The following RBPJ variants were observed in gnomAD, a reference collection of about 807,000 sequenced individuals.
The protein encoded by RBPJ is recombination signal binding protein for immunoglobulin kappa J region.
RBPJ carries 9 observed loss-of-function variants against 67.8 expected under a neutral mutation model. The ratio of observed to expected loss-of-function variants is 0.13; its 90% CI spans 0.08 to 0.23. RBPJ has a LOEUF of 0.23. RBPJ is among the 10% of genes least tolerant of loss of function. The pLI is 1.00. For synonymous variants in RBPJ, 198 were observed against 203.3 expected (o/e 0.97, Z 0.22); for missense variants, 305 against 595.6 (o/e 0.51, Z 5.08).
At chr4:26,407,657 C>T (rs531904954) in intron 3 of RBPJ, among the ~76,000 whole-genome samples, 122 of 151,924 alleles carry the variant, frequency 8.0e-4, no homozygotes, top group African/African-American at 2.7e-3. Flanking sequence ...TAGAAAGGTA[C>T]CCAACTGAAG....
At chr4:26,205,208 A>C (rs1311613073) in intron 1 of RBPJ, among the ~76,000 whole-genome samples, 1 of 152,156 alleles carries the variant, frequency 6.6e-6, no homozygotes, top group Admixed American at 6.5e-5. Context: ...GCAGGTGTGC[A>C]CTTATCTTTA....
chr4:26,334,942 C>G (rs1320830670), intron 1 of RBPJ, among the ~76,000 whole-genome samples: 1 of 152,114 alleles, frequency 6.6e-6, no homozygotes, highest in African/African-American at 2.4e-5. Flanking sequence ...ATGTCTGTGT[C>G]ATTAGTGTGG....
intron 1 of RBPJ, among the ~76,000 whole-genome samples, chr4:26,357,632 A>G (rs532421374): frequency 1.1e-3 from 170 of 152,298 alleles, no homozygotes; most frequent in Non-Finnish European, 1.9e-3. Flanking sequence ...TAGTGGTAGT[A>G]AGTACATTCA....
rs143016622 is a variant in RBPJ at position 26,180,183 on chromosome 4, G to A, written c.-167+16569G>A. On this transcript the variant is annotated intron_variant, in intron 1 of 4. Transcript: ENST00000512351. ...ACTGGGATCTTTTTGAGGGTGGAGG[G>A]CGGGAGAAGGGGGAGGATCAGGGAA... Among the ~76,000 whole-genome samples, 728 of 152,182 alleles carry A rather than the reference G, an allele frequency of 4.8e-3. 10 individuals carry two copies. The highest frequency in any genetic ancestry group is 0.017 in the African/African-American group (702 of 41,518).
At chr4:26,122,722 G>C in the RBPJ span, among the ~76,000 whole-genome samples, 1 of 152,114 alleles carries the variant, frequency 6.6e-6, no homozygotes, top group Non-Finnish European at 1.5e-5. Flanking sequence ...TGAATGAGTA[G>C]GATCTAGTAG....
At chr4:26,185,825 C>T (rs564659190) in intron 1 of RBPJ, among the ~76,000 whole-genome samples, 10 of 152,216 alleles carry the variant, frequency 6.6e-5, no homozygotes, top group African/African-American at 2.2e-4. Flanking sequence ...TTTGGAAGGC[C>T]GAGGCCGGTG....
intron 1 of RBPJ, chr4:26,384,509 T>C (rs1369860013): frequency 1.3e-5 from 2 of 152,180 alleles, no homozygotes; most frequent in Non-Finnish European, 2.9e-5. Context: ...AACAAGTTAC[T>C]TAACTGTTTA....
intron 1 of RBPJ, among the ~76,000 whole-genome samples, chr4:26,361,370 T>A (rs2109497825): frequency 1.3e-5 from 2 of 152,304 alleles, no homozygotes; most frequent in East Asian, 3.9e-4. Context: ...AAATACATAA[T>A]TTTTTCTGAC....
At chr4:26,254,463 C>T (rs143634809) in intron 1 of RBPJ, among the ~76,000 whole-genome samples, 2 of 148,814 alleles carry the variant, frequency 1.3e-5, no homozygotes, top group Non-Finnish European at 2.9e-5. Context: ...TTCTGTTCCA[C>T]AATCTTTGCA....
chr4:26,135,566 A>G, the RBPJ span, among the ~76,000 whole-genome samples: 2 of 152,002 alleles, frequency 1.3e-5, no homozygotes, highest in Admixed American at 6.6e-5. Flanking sequence ...TATGAACCCA[A>G]GTGGCTTGAC....
the RBPJ span, among the ~76,000 whole-genome samples, chr4:26,146,871 G>A: frequency 6.6e-6 from 1 of 152,138 alleles, no homozygotes; most frequent in Non-Finnish European, 1.5e-5. Context: ...AAAACAAATC[G>A]AGCAATCAGG....
chr4:26,222,629 C>G (rs1446315893), intron 1 of RBPJ, among the ~76,000 whole-genome samples: 1 of 98,516 alleles, frequency 1.0e-5, no homozygotes, highest in Non-Finnish European at 2.0e-5. Flanking sequence ...ATTATGTACT[C>G]TGAAATATAT....
intron 1 of RBPJ, among the ~76,000 whole-genome samples, chr4:26,383,184 T>C (rs1304266603): frequency 6.6e-6 from 1 of 152,222 alleles, no homozygotes; most frequent in Non-Finnish European, 1.5e-5. Context: ...GGAGTGTTGT[T>C]GCACAGGCGT....
intron 1 of RBPJ, among the ~76,000 whole-genome samples, chr4:26,234,193 A>G (rs1197932698): frequency 1.3e-5 from 2 of 152,206 alleles, no homozygotes; most frequent in African/African-American, 4.8e-5. Context: ...AGTCATTTAG[A>G]ATATTGGACA....
intron 4 of RBPJ, among the ~76,000 whole-genome samples, chr4:26,417,777 G>A (rs746050165): frequency 1.3e-5 from 2 of 152,174 alleles, no homozygotes; most frequent in Non-Finnish European, 2.9e-5. Flanking sequence ...AACTCCATTC[G>A]TGTAAGGAAA....
chr4:26,320,158 C>T (rs533100625), upstream of RBPJ, among the ~76,000 whole-genome samples: 3 of 152,220 alleles, frequency 2.0e-5, no homozygotes, highest in Non-Finnish European at 2.9e-5. Flanking sequence ...ATCGGGTCCT[C>T]TGGGCAGACT....
At chr4:26,152,403 C>T in the RBPJ span, among the ~76,000 whole-genome samples, 1 of 152,232 alleles carries the variant, frequency 6.6e-6, no homozygotes. Context: ...TTGTAAGCCA[C>T]TGATGCTTTC....
At chr4:26,393,461 G>A (rs182249491) in intron 2 of RBPJ, among the ~76,000 whole-genome samples, 6 of 152,054 alleles carry the variant, frequency 3.9e-5, no homozygotes, top group East Asian at 3.9e-4. Flanking sequence ...TGCAACCTCC[G>A]CCTCCCAGGT....
intron 2 of RBPJ, among the ~76,000 whole-genome samples, chr4:26,404,011 A>G (rs1733121200): frequency 6.6e-6 from 1 of 152,174 alleles, no homozygotes. Flanking sequence ...AACAGTGTAT[A>G]AATGTTCCCT....
Sources: allele counts gnomAD v4.1 joint callset (sites outside exome capture counted in the v4.1 genomes callset), GRCh38; gene constraint gnomAD v4.1.1; transcripts MANE v1.5; gene names NCBI Gene and HGNC (gene_info 2026-07-23, HGNC 2026-07-21).